SRD5A2: variants seen among roughly 807,000 people sequenced by gnomAD.
SRD5A2 encodes the protein steroid 5 alpha-reductase 2.
In SRD5A2, 30 loss-of-function variants were observed where a neutral mutation model predicts 27.4. The observed-to-expected ratio is 1.10, with a 90% CI of 0.82 to 1.49. SRD5A2 has a LOEUF of 1.49. Ranked by LOEUF, SRD5A2 falls within the 40% of genes most tolerant of loss-of-function variation. SRD5A2 has a pLI of 0.00. For missense variants in SRD5A2, 348 were observed against 323.4 expected (o/e 1.08, Z -0.58); for synonymous variants, 141 against 133.6 (o/e 1.06, Z -0.38).
the SRD5A2 span, among the ~76,000 whole-genome samples, chr2:31,607,100 T>C: frequency 1.2e-4 from 18 of 151,942 alleles, no homozygotes; most frequent in Non-Finnish European, 5.9e-5. Context: ...GAAGTGATAA[T>C]TTAAAGATAT....
At chr2:31,549,210 C>T (rs1572641217) in intron 1 of SRD5A2, among the ~76,000 whole-genome samples, 3 of 151,256 alleles carry the variant, frequency 2.0e-5, no homozygotes, top group African/African-American at 4.8e-5. Flanking sequence ...CCTCCCAGGT[C>T]CAAGCGATTC....
chr2:31,592,117 A>C, the SRD5A2 span, among the ~76,000 whole-genome samples: 11 of 151,494 alleles, frequency 7.3e-5, no homozygotes, highest in East Asian at 1.9e-4. Context: ...AAAACAGCCC[A>C]AAAAAAAGAA....
rs559957404 is a variant in SRD5A2, at chr2:31,529,213, A to G, written c.698+94T>C. 4.2e-4 allele frequency: 630 copies of G among 1,506,008 alleles called. 9 individuals are homozygous for G. In the East Asian group the frequency reaches 0.015, roughly 35 times the overall value. The allele number at this position is 1,506,008 out of a possible 1,614,324, so 93.3% of individuals were successfully genotyped here. A position where few individuals can be genotyped will look rare whatever the true frequency, so the allele number is the denominator to read the frequency against. ...TCAACCTTCCCTTAAAAAATTAAAT[A>G]TCTTCGGTTTCTCAATCTTCCTCTG... On this transcript the variant is annotated intron_variant, in intron 4 of 4. Coordinates refer to ENST00000622030, the MANE Select transcript of SRD5A2 (RefSeq NM_000348.4).
At chr2:31,594,063 A>G in the SRD5A2 span, among the ~76,000 whole-genome samples, 2 of 152,244 alleles carry the variant, frequency 1.3e-5, no homozygotes, top group African/African-American at 2.4e-5. Flanking sequence ...ATATTGAAAC[A>G]AAAACTCAAA....
At chr2:31,609,773 C>T in the SRD5A2 span, among the ~76,000 whole-genome samples, 1 of 151,864 alleles carries the variant, frequency 6.6e-6, no homozygotes, top group East Asian at 1.9e-4. Context: ...AAAACACTAC[C>T]ATCAGGAAAG....
chr2:31,662,477 C>T, the SRD5A2 span, among the ~76,000 whole-genome samples: 1 of 152,084 alleles, frequency 6.6e-6, no homozygotes, highest in South Asian at 2.1e-4. Flanking sequence ...CACCACCACA[C>T]CCAGCTAATT....
At chr2:31,619,329 C>T in the SRD5A2 span, among the ~76,000 whole-genome samples, 1 of 152,106 alleles carries the variant, frequency 6.6e-6, no homozygotes, top group Admixed American at 6.6e-5. Flanking sequence ...TTTTCTTTAT[C>T]CAGTCTATCA....
chr2:31,557,489 G>T (rs112062430), intron 1 of SRD5A2, among the ~76,000 whole-genome samples: 24 of 152,218 alleles, frequency 1.6e-4, no homozygotes, highest in Admixed American at 3.9e-4. Flanking sequence ...TCTTGTAATG[G>T]TCTGGTTGAT....
intron 1 of SRD5A2, among the ~76,000 whole-genome samples, chr2:31,559,838 ACACACACACAC>A (rs1666579687): frequency 9.6e-5 from 14 of 146,198 alleles, no homozygotes; most frequent in South Asian, 2.2e-4. Context: ...AAACAAACCC[ACACACACACAC>A]ACACACACAC....
chr2:31,564,319 A>C (rs1377104272), intron 1 of SRD5A2, among the ~76,000 whole-genome samples: 1 of 152,012 alleles, frequency 6.6e-6, no homozygotes, highest in Non-Finnish European at 1.5e-5. Flanking sequence ...GTAGAAGAAA[A>C]GATTATGAAC....
chr2:31,647,371 G>A, the SRD5A2 span, among the ~76,000 whole-genome samples: 2 of 152,290 alleles, frequency 1.3e-5, no homozygotes, highest in East Asian at 1.9e-4. Context: ...CACATGTGCA[G>A]TAATATTAAT....
the SRD5A2 span, among the ~76,000 whole-genome samples, chr2:31,620,223 A>G: frequency 6.6e-6 from 1 of 152,144 alleles, no homozygotes; most frequent in East Asian, 1.9e-4. Context: ...ACCCACAGAG[A>G]ACATCACACT....
the SRD5A2 span, among the ~76,000 whole-genome samples, chr2:31,609,537 A>T: frequency 6.6e-6 from 1 of 152,144 alleles, no homozygotes; most frequent in Non-Finnish European, 1.5e-5. Flanking sequence ...TTAACAAATG[A>T]TGTTGGTACA....
chr2:31,559,088 C>G (rs974653395), intron 1 of SRD5A2, among the ~76,000 whole-genome samples: 2 of 152,162 alleles, frequency 1.3e-5, no homozygotes, highest in Non-Finnish European at 2.9e-5. Context: ...GGCCAGATCT[C>G]CCCCAGCAGC....
the SRD5A2 span, among the ~76,000 whole-genome samples, chr2:31,628,777 T>C: frequency 6.6e-6 from 1 of 152,134 alleles, no homozygotes; most frequent in South Asian, 2.1e-4. Context: ...TCCCAATCTC[T>C]TCTGGCTTGT....
At chr2:31,545,247 A>C in intron 1 of SRD5A2, among the ~76,000 whole-genome samples, 1 of 152,090 alleles carries the variant, frequency 6.6e-6, no homozygotes, top group Non-Finnish European at 1.5e-5. Flanking sequence ...CATTATTCTG[A>C]CACCAAATTT....
In SRD5A2 at chr2:31,541,231, G is replaced by C. The variant is rs554023933; in HGVS notation, c.282-7465C>G. Among the ~76,000 whole-genome samples, 3 of 152,008 alleles carry C rather than the reference G, an allele frequency of 2.0e-5. No homozygotes were observed. In the South Asian group the frequency reaches 6.2e-4, roughly 32 times the overall value. On this transcript the variant is annotated intron_variant, in intron 1 of 4. Coordinates refer to ENST00000622030, the MANE Select transcript of SRD5A2 (RefSeq NM_000348.4). ...ATCCTTGGCACAGAGACAGACTAAA[G>C]CAATTTTTATAAACAAACAAAACAA...
the SRD5A2 span, among the ~76,000 whole-genome samples, chr2:31,622,284 T>C: frequency 6.6e-6 from 1 of 152,164 alleles, no homozygotes; most frequent in Non-Finnish European, 1.5e-5. Flanking sequence ...TCCATGTCCC[T>C]ACACAGGACC....
chr2:31,598,424 C>T, the SRD5A2 span, among the ~76,000 whole-genome samples: 9 of 151,860 alleles, frequency 5.9e-5, no homozygotes, highest in Admixed American at 2.6e-4. Context: ...TGAAACACCA[C>T]CTGTTTTCCC....
Sources: allele counts gnomAD v4.1 joint callset (sites outside exome capture counted in the v4.1 genomes callset), GRCh38; gene constraint gnomAD v4.1.1; transcripts MANE v1.5; gene names NCBI Gene and HGNC (gene_info 2026-07-23, HGNC 2026-07-21).